PCDHGA11: variants seen among roughly 807,000 people sequenced by gnomAD.
The protein encoded by PCDHGA11 is protocadherin gamma subfamily A, 11.
PCDHGA11 carries 39 observed loss-of-function variants against 60.4 expected under a neutral mutation model. That is an observed-to-expected ratio of 0.65 (90% CI 0.50 to 0.84). The LOEUF is 0.84. Ranked by LOEUF, PCDHGA11 falls within the 40% of genes least tolerant of loss-of-function variation. The probability of loss-of-function intolerance (pLI) is 0.00; values close to 1 mark genes in which losing one functional copy is unlikely to be tolerated. For synonymous variants in PCDHGA11, 533 were observed against 510.3 expected (o/e 1.04, Z -0.60); for missense variants, 1,165 against 1,197.7 (o/e 0.97, Z 0.40).
At position 141,431,387 on chromosome 5, in the gene PCDHGA11, C is replaced by T; in HGVS notation, c.2433+7727C>T. The T allele has an allele frequency of 1.9e-6, 3 of 1,613,938 alleles. 1 individual carries two copies. The South Asian group carries it at 3.3e-5, about 18-fold the overall frequency. Reference sequence around the variant, plus strand: ...CCGCGAAGAAAAGGCTGCTCACCACCTGGTCCTTACGGCCTCCGACGGGGG... The same window carrying T: ...CCGCGAAGAAAAGGCTGCTCACCACTTGGTCCTTACGGCCTCCGACGGGGG... On this transcript the variant is annotated intron_variant, in intron 1 of 3. Coordinates refer to ENST00000398587, the MANE Select transcript of PCDHGA11 (RefSeq NM_018914.3). This position sits in a 1 kb window ranked among gnomAD's most constrained non-coding sequence, Gnocchi z 4.8.
rs138070043 is a variant in PCDHGA11, at chr5:141,512,950, AAAT to A, written c.*1783_*1785del. 5,271 of 152,332 alleles carry A rather than the reference AAAT, an allele frequency of 0.035. 119 individuals carry two copies. The highest frequency in any genetic ancestry group is 0.075 in the South Asian group (360 of 4,826). The allele number at this position is 152,332 out of a possible 1,614,324, so 9.4% of individuals were successfully genotyped here. On this transcript the variant is annotated 3_prime_UTR_variant, in exon 4 of 4. Coordinates refer to ENST00000398587, the MANE Select transcript of PCDHGA11 (RefSeq NM_018914.3). ...ATATGGCTTTTTTTCTTCGACAAAA[AAAT>A]AATAAAACGTTTCTTCTGAAAAGCT...
intron 3 of PCDHGA11, among the ~76,000 whole-genome samples, chr5:141,508,629 T>C (rs934648689): frequency 6.6e-6 from 1 of 152,054 alleles, no homozygotes; most frequent in Non-Finnish European, 1.5e-5. Context: ...GGGCCGAGCT[T>C]CTAGCTACTC....
In PCDHGA11 at chr5:141,447,883, C is replaced by T. The variant is rs184337553; in HGVS notation, c.2433+24223C>T. Among the ~76,000 whole-genome samples the T allele has an allele frequency of 3.9e-3, 599 of 152,000 alleles. 3 individuals are homozygous for T. The highest frequency in any genetic ancestry group is 0.014 in the African/African-American group (563 of 41,452). ...GGTGAATCATCTGAGGTCAGGAGTT[C>T]GAGACCAGCCTGGCCAACATGGTGA... On this transcript the variant is annotated intron_variant, in intron 1 of 3. Coordinates refer to ENST00000398587, the MANE Select transcript of PCDHGA11 (RefSeq NM_018914.3).
In PCDHGA11 at chr5:141,432,399, C is replaced by T. The variant is rs2097496727; in HGVS notation, c.2433+8739C>T. ...CACCCGCCCCTCAGCAGCAACGTGT[C>T]GTTGAGCCTGTTCGTGCTGGACCAG... is the stretch of plus-strand genomic sequence containing the variant. On this transcript the variant is annotated intron_variant, in intron 1 of 3. Coordinates refer to ENST00000398587, the MANE Select transcript of PCDHGA11 (RefSeq NM_018914.3). This position sits in a 1 kb window ranked among gnomAD's most constrained non-coding sequence, Gnocchi z 6.0. 1.2e-6 allele frequency: 2 copies of T among 1,614,240 alleles called. No homozygotes were observed. Among genetic ancestry groups the T allele is most frequent in the Non-Finnish European group, 1.7e-6 (2 of 1,180,040 alleles).
At chr5:141,482,528 T>C (rs945815289) in intron 1 of PCDHGA11, among the ~76,000 whole-genome samples, 1 of 56,520 alleles carries the variant, frequency 1.8e-5, no homozygotes, top group Non-Finnish European at 2.8e-5. Flanking sequence ...GAGACAGACA[T>C]GCAAAAAAAA....
Position 141,432,377 on chromosome 5 carries a change from C to T in PCDHGA11, c.2433+8717C>T. 3.7e-6 allele frequency: 6 copies of T among 1,614,240 alleles called. No homozygotes were observed. Among genetic ancestry groups the T allele is most frequent in the Non-Finnish European group, 5.1e-6 (6 of 1,180,046 alleles). On this transcript the variant is annotated intron_variant, in intron 1 of 3. Transcript: ENST00000398587. This position sits in a 1 kb window ranked among gnomAD's most constrained non-coding sequence, Gnocchi z 6.0. ...AGTGATGGCGCGGGACAACGGGCAC[C>T]CGCCCCTCAGCAGCAACGTGTCGTT...
rs764692908 is a variant in PCDHGA11 at position 141,431,246 on chromosome 5, G to C, written c.2433+7586G>C. On this transcript the variant is annotated intron_variant, in intron 1 of 3. Coordinates refer to ENST00000398587, the MANE Select transcript of PCDHGA11 (RefSeq NM_018914.3). The surrounding 1 kb of genome is among the most constrained non-coding windows in gnomAD (Gnocchi z 4.8). ...ACCCCACGCCTGGGATCCGGATATC[G>C]GGAAGAACTCTCTGCAGAGCTACGA... 9 of 1,613,982 alleles carry C rather than the reference G, an allele frequency of 5.6e-6. No individual in the cohort carries two copies. Among genetic ancestry groups the C allele is most frequent in the Non-Finnish European group, 7.6e-6 (9 of 1,180,050 alleles).
At position 141,422,158 on chromosome 5, in the gene PCDHGA11, G is replaced by GA. The variant is rs1401712595; in HGVS notation, c.936dup (p.Tyr313IlefsTer2). The GA allele has an allele frequency of 1.3e-6, 2 of 1,571,916 alleles. No homozygotes were observed. The highest frequency in any genetic ancestry group is 1.7e-4 in the Middle Eastern group (1 of 5,844). On this transcript the variant is annotated frameshift_variant, in exon 1 of 4. Coordinates refer to ENST00000398587, the MANE Select transcript of PCDHGA11 (RefSeq NM_018914.3). LOFTEE classifies it high-confidence loss of function. ...TCAAGTACGGGGGTCTCTGGATTTT[G>GA]AAAAATATAGATTCTATGAGATGGA...
At chr5:141,426,963 C>G (rs1008659501) in intron 1 of PCDHGA11, 1 of 456,646 alleles carries the variant, frequency 2.2e-6, no homozygotes, top group African/African-American at 2.0e-5. Flanking sequence ...TGCTGCAATT[C>G]AAATTGAGGT....
intron 1 of PCDHGA11, among the ~76,000 whole-genome samples, chr5:141,446,322 C>A (rs1561922470): frequency 2.0e-5 from 3 of 151,968 alleles, no homozygotes; most frequent in South Asian, 4.1e-4. Flanking sequence ...TGGGTTTCCA[C>A]ATTAAGGAAC....
chr5:141,496,795 T>C (rs886559302), intron 2 of PCDHGA11, among the ~76,000 whole-genome samples: 27 of 151,976 alleles, frequency 1.8e-4, no homozygotes, highest in Middle Eastern at 3.4e-3. Flanking sequence ...GTGCTAAACA[T>C]TGGGCTATAG....
intron 1 of PCDHGA11, among the ~76,000 whole-genome samples, chr5:141,481,161 A>G (rs2099532805): frequency 6.6e-6 from 1 of 152,230 alleles, no homozygotes; most frequent in African/African-American, 2.4e-5. Flanking sequence ...GTATTTGCAG[A>G]ACCAGAATCC....
chr5:141,440,181 G>A (rs1419736461), intron 1 of PCDHGA11: 7 of 152,312 alleles, frequency 4.6e-5, no homozygotes, highest in Non-Finnish European at 8.8e-5. Context: ...CTTTGAAATA[G>A]TTGAAGGCCA....
chr5:141,431,206 G>A lies in PCDHGA11; in HGVS notation c.2433+7546G>A, dbSNP rs17097300. On this transcript the variant is annotated intron_variant, in intron 1 of 3. Coordinates refer to ENST00000398587, the MANE Select transcript of PCDHGA11 (RefSeq NM_018914.3). The surrounding 1 kb of genome is among the most constrained non-coding windows in gnomAD (Gnocchi z 4.8). ...AAATTAGTGAAAATGCAGCCACTGA[G>A]ATGCGGTTCCCTCTACCCCACGCCT... The A allele has an allele frequency of 0.041, 66,767 of 1,614,172 alleles. 3,763 individuals carry two copies. Among genetic ancestry groups the A allele is most frequent in the Admixed American group, 0.27 (16,026 of 60,028 alleles).
intron 2 of PCDHGA11, among the ~76,000 whole-genome samples, chr5:141,496,468 C>T (rs1410143575): frequency 2.0e-5 from 3 of 152,126 alleles, no homozygotes; most frequent in Non-Finnish European, 4.4e-5. Context: ...AGTTATCTTT[C>T]CCCCATCCTG....
chr5:141,501,130 G>A (rs528942194), intron 2 of PCDHGA11, among the ~76,000 whole-genome samples: 5 of 152,100 alleles, frequency 3.3e-5, no homozygotes, highest in African/African-American at 4.8e-5. Flanking sequence ...GCCTCCCTAA[G>A]TGCTGGGATT....
rs145288114 is a variant in PCDHGA11 at position 141,477,334 on chromosome 5, C to T, written c.2434-17473C>T. On this transcript the variant is annotated intron_variant, in intron 1 of 3. Coordinates refer to ENST00000398587, the MANE Select transcript of PCDHGA11 (RefSeq NM_018914.3). This position sits in a 1 kb window ranked among gnomAD's most constrained non-coding sequence, Gnocchi z 4.9. ...GCCTTACTTCTTCCCTCAAGAATTA[C>T]TTCACTTTGAAAACCAGTGCAGACC... is the stretch of plus-strand genomic sequence containing the variant. 1.3e-4 allele frequency: 215 copies of T among 1,614,074 alleles called. No homozygotes were observed. Among genetic ancestry groups the T allele is most frequent in the Non-Finnish European group, 1.8e-4 (210 of 1,180,044 alleles).
In PCDHGA11 at chr5:141,505,471, G is replaced by A. The variant is rs766596231; in HGVS notation, c.2571G>A (p.Ala857=). The A allele has an allele frequency of 3.4e-5, 55 of 1,614,244 alleles. No individual in the cohort carries two copies. The highest frequency in any genetic ancestry group is 1.1e-4 in the East Asian group (5 of 44,880). ...AGATGCTGCAAGCCATGATCTTGGCGTCCGCCAGTGGTAAGTGGTGTCAGT... is the reference window on the plus strand; with the variant it reads ...AGATGCTGCAAGCCATGATCTTGGCATCCGCCAGTGGTAAGTGGTGTCAGT... ...DTEMLQAMIL[A]SASEAADGSS... Residue 857 remains alanine (A), a synonymous_variant, in exon 3 of 4, where the codon GCG becomes GCA. Coordinates refer to ENST00000398587, the MANE Select transcript of PCDHGA11 (RefSeq NM_018914.3).
rs759587995 is a variant in PCDHGA11, at chr5:141,491,802, G to T, written c.2434-3005G>T. On this transcript the variant is annotated intron_variant, in intron 1 of 3. Coordinates refer to ENST00000398587, the MANE Select transcript of PCDHGA11 (RefSeq NM_018914.3). The surrounding 1 kb of genome is among the most constrained non-coding windows in gnomAD (Gnocchi z 6.9). ...ACTTGCATCCACTCCTCTCCGGCCGGCTTGGTCGCTGGCTGCGCTCCACCC... is the reference window on the plus strand; with the variant it reads ...ACTTGCATCCACTCCTCTCCGGCCGTCTTGGTCGCTGGCTGCGCTCCACCC... 1 of 1,497,480 alleles carries T rather than the reference G, an allele frequency of 6.7e-7. No individual in the cohort carries two copies. Among genetic ancestry groups the T allele is most frequent in the East Asian group, 2.5e-5 (1 of 40,518 alleles). The allele number at this position is 1,497,480 out of a possible 1,614,324, so 92.8% of individuals were successfully genotyped here. A position where few individuals can be genotyped will look rare whatever the true frequency, so the allele number is the denominator to read the frequency against.
Sources: gnomAD v4.1 joint callset for allele counts (sites outside exome capture counted in the v4.1 genomes callset) on GRCh38, gnomAD v4.1.1 for gene constraint, Gnocchi (gnomAD v3.1) non-coding constraint, MANE v1.5 for transcripts, NCBI Gene and HGNC (gene_info 2026-07-23, HGNC 2026-07-21) for gene names.